Variants in VWA5B1 observed in about 807,000 individuals in gnomAD.
VWA5B1 encodes von Willebrand factor A domain-containing protein 5B1.
A neutral mutation model predicts 118.2 loss-of-function variants in VWA5B1; 115 were observed. The observed-to-expected ratio is 0.97, with a 90% confidence interval of 0.84 to 1.14. The LOEUF is 1.14. VWA5B1 is among the 50% of genes most tolerant of loss of function. The pLI, the probability that VWA5B1 is intolerant of heterozygous loss-of-function variation, is 0.00. For synonymous variants in VWA5B1, 682 were observed against 658.4 expected, an observed-to-expected ratio of 1.04 and a Z score of -0.55; for missense variants, 1,596 against 1,603.8, an observed-to-expected ratio of 1.00 and a Z score of 0.08.
chr1:20,312,802 G>A (rs1053431292), intron 2 of VWA5B1, 34 bp from the exon 3 acceptor site: 3 of 1,529,500 alleles, frequency 2.0e-6, no homozygotes, highest in Admixed American at 4.0e-5. Context: ...GGTAGGCCTG[G>A]GGCACCCCGT....
At chr1:20,340,446 T>C (rs966834903) in intron 14 of VWA5B1, among the ~76,000 whole-genome samples, 49 of 152,276 alleles carry the variant, frequency 3.2e-4, no homozygotes, top group Admixed American at 1.3e-3. Context: ...CCCACATCCT[T>C]GTACCCTTCC....
At position 20,342,468 on chromosome 1, in the gene VWA5B1, C is replaced by T; in HGVS notation, c.2170C>T (p.Pro724Ser). ...LNSGQDLNQG[P>S]KLRGPGARRP... ...CAGTGGTCAGGACCTGAACCAGGGC[C>T]CCAAACTCCGTGGCCCAGGGGCCCG... The change falls in exon 15 of 22, where the codon CCC becomes TCC. Residue 724 changes from proline to serine, a missense_variant. Pro to Ser is a moderately conservative substitution (Grantham distance 74, BLOSUM62 -1). Transcript: ENST00000289815. The T allele has an allele frequency of 6.4e-7, 1 of 1,551,252 alleles. No homozygotes were observed.
intron 1 of VWA5B1, among the ~76,000 whole-genome samples, chr1:20,296,588 A>G (rs1013309496): frequency 3.3e-5 from 5 of 152,252 alleles, no homozygotes; most frequent in African/African-American, 1.2e-4. Context: ...TCATGCTAGC[A>G]TATAATTCTG....
chr1:20,307,345 C>T (rs571034186), intron 1 of VWA5B1, among the ~76,000 whole-genome samples: 1 of 152,326 alleles, frequency 6.6e-6, no homozygotes, highest in African/African-American at 2.4e-5. Context: ...AGAATCTACT[C>T]TGGTCCTCAT....
chr1:20,291,396 C>T lies in VWA5B1; in HGVS notation c.-27+308C>T, dbSNP rs962695597. ...CTCTCTCTCTCTCTCTTTCTGTCTC[C>T]TCTATTTCTCTCCCTCCCCACCCCT... On this transcript the variant is annotated intron_variant, in intron 1 of 21. Transcript: ENST00000289815. Among the ~76,000 whole-genome samples the T allele has an allele frequency of 5.6e-5, 6 of 106,654 alleles. No homozygotes were observed. In the East Asian group the frequency reaches 1.0e-3, roughly 19 times the overall value. 70.0% of individuals were successfully genotyped at this position (106,654 alleles called of 152,430 possible).
At position 20,312,876 on chromosome 1, in the gene VWA5B1, C is replaced by T. The variant is rs2088891855; in HGVS notation, c.180C>T (p.Ile60=). Residue 60 remains isoleucine, a synonymous_variant, in exon 3 of 22, where the codon ATC becomes ATT. Coordinates refer to ENST00000289815, the MANE Select transcript of VWA5B1 (RefSeq NM_001039500.3). ...VYPLDECTTV[I]GFEAVIADRV... ...CCCTGGATGAGTGCACCACGGTGATCGGCTTTGAGGCAGTCATTGCCGACC... is the reference window on the plus strand; with the variant it reads ...CCCTGGATGAGTGCACCACGGTGATTGGCTTTGAGGCAGTCATTGCCGACC... The T allele has an allele frequency of 3.2e-6, 5 of 1,551,620 alleles. No homozygotes were observed. The highest frequency in any genetic ancestry group is 1.4e-5 in the African/African-American group (1 of 73,178).
At position 20,358,506 on chromosome 1, in the gene VWA5B1, C is replaced by T. The variant is rs529674693; in HGVS notation, c.*4243C>T. Among the ~76,000 whole-genome samples, 24 of 152,176 alleles carry T rather than the reference C, an allele frequency of 1.6e-4. 1 individual carries two copies. The highest frequency in any genetic ancestry group is 2.9e-4 in the Non-Finnish European group (20 of 68,030). ...AGTCTGCCCCCCCACCCTGCAATTG[C>T]CTGCCCCATTGACCTGCCTGGCTGG... is the stretch of plus-strand genomic sequence containing the variant. On this transcript the variant is annotated 3_prime_UTR_variant, in exon 22 of 22. Transcript: ENST00000289815.
Position 20,355,321 on chromosome 1 carries a change from G to A in VWA5B1, c.*1058G>A, listed in dbSNP as rs2101036263. Among the ~76,000 whole-genome samples, 1 of 152,268 alleles carries A rather than the reference G, an allele frequency of 6.6e-6. No individual in the cohort carries two copies. Among genetic ancestry groups the A allele is most frequent in the Admixed American group, 6.5e-5 (1 of 15,306 alleles). ...ATGAATGAATTGACACTTCAGGCTGGATCCCCTAGGGGCTTCCTGCCCTCA... is the reference window on the plus strand; with the variant it reads ...ATGAATGAATTGACACTTCAGGCTGAATCCCCTAGGGGCTTCCTGCCCTCA... On this transcript the variant is annotated 3_prime_UTR_variant, in exon 22 of 22. Transcript: ENST00000289815.
chr1:20,352,945 A>G lies in VWA5B1; in HGVS notation c.3141+773A>G, dbSNP rs149809100. The stretch of plus-strand genomic sequence containing the variant: ...GCACTTATGGTGCTAAGTATCTAGT[A>G]GGATTCAGACAAGGAACCAGGCAAT... On this transcript the variant is annotated intron_variant, in intron 21 of 21. Transcript: ENST00000289815. Among the ~76,000 whole-genome samples the G allele has an allele frequency of 2.6e-5, 4 of 152,354 alleles. No homozygotes were observed. In the East Asian group the frequency reaches 7.7e-4, roughly 29 times the overall value.
At chr1:20,350,769 C>T in intron 19 of VWA5B1, 88 bp from the exon 20 acceptor site, 1 of 1,300,296 alleles carries the variant, frequency 7.7e-7, no homozygotes, top group Admixed American at 2.0e-5. Flanking sequence ...ACCTGCCCCT[C>T]TCTAGGCCTC....
At position 20,355,305 on chromosome 1, in the gene VWA5B1, T is replaced by C. The variant is rs2090210061; in HGVS notation, c.*1042T>C. ...TGATTTGTTTGGTGAAATGAATGAA[T>C]TGACACTTCAGGCTGGATCCCCTAG... is the stretch of plus-strand genomic sequence containing the variant. On this transcript the variant is annotated 3_prime_UTR_variant, in exon 22 of 22. Transcript: ENST00000289815. Among the ~76,000 whole-genome samples the C allele has an allele frequency of 6.6e-6, 1 of 152,162 alleles. No homozygotes were observed. Among genetic ancestry groups the C allele is most frequent in the African/African-American group, 2.4e-5 (1 of 41,442 alleles).
Position 20,354,572 on chromosome 1 carries a change from T to G in VWA5B1, c.*309T>G. ...GGTTCCTTTCTGCCCATTCAGGCAG[T>G]CCCGGGCTGACTGCTGCTGGGGCTG... On this transcript the variant is annotated 3_prime_UTR_variant, in exon 22 of 22. Transcript: ENST00000289815. The G allele has an allele frequency of 8.4e-6, 3 of 356,396 alleles. No individual in the cohort carries two copies. The highest frequency in any genetic ancestry group is 3.3e-5 in the South Asian group (1 of 29,866). 22.1% of individuals were successfully genotyped at this position (356,396 alleles called of 1,614,324 possible).
chr1:20,302,047 A>G (rs1383380257), intron 1 of VWA5B1, among the ~76,000 whole-genome samples: 1 of 151,798 alleles, frequency 6.6e-6, no homozygotes, highest in Non-Finnish European at 1.5e-5. Context: ...GGATGTGTCT[A>G]TTTCTCCCTT....
intron 15 of VWA5B1, 111 bp downstream of exon 15, chr1:20,342,720 T>TGTCCAGATGCCTGGGTCTGTCCCCCTG: frequency 7.6e-7 from 1 of 1,323,794 alleles, no homozygotes; most frequent in South Asian, 1.6e-5. Context: ...TGTCCCCTTG[T>TGTCCAGATGCCTGGGTCTGTCCCCCTG]GGTCTGCTGC....
intron 6 of VWA5B1, 132 bp downstream of exon 6, chr1:20,318,853 C>T (rs998949336): frequency 1.7e-4 from 224 of 1,343,050 alleles, no homozygotes; most frequent in Non-Finnish European, 2.0e-4. Context: ...GGGGGTGTGG[C>T]CAAGGAGAGG....
intron 13 of VWA5B1, among the ~76,000 whole-genome samples, chr1:20,336,982 A>G (rs540253758): frequency 1.1e-4 from 16 of 152,148 alleles, no homozygotes; most frequent in Non-Finnish European, 1.9e-4. Context: ...AGACTTCACA[A>G]GGGGACTGCT....
At chr1:20,322,902 G>C (rs778956633) in intron 7 of VWA5B1, among the ~76,000 whole-genome samples, 1 of 152,156 alleles carries the variant, frequency 6.6e-6, no homozygotes, top group African/African-American at 2.4e-5. Flanking sequence ...GAGAGAATCG[G>C]TAAACCAAGG....
chr1:20,333,516 G>T (rs536757059), intron 12 of VWA5B1, among the ~76,000 whole-genome samples: 5 of 152,280 alleles, frequency 3.3e-5, no homozygotes, highest in Admixed American at 3.3e-4. Context: ...TTCCACCCAG[G>T]TCTGTTGAAT....
chr1:20,297,996 ATTTTTTT>A (rs60497976), intron 1 of VWA5B1, among the ~76,000 whole-genome samples: 42 of 126,648 alleles, frequency 3.3e-4, no homozygotes, highest in East Asian at 1.3e-3. Context: ...TCGGTGGTGG[ATTTTTTT>A]TTTTTTTTTT....
Sources: gnomAD v4.1 joint callset for allele counts (sites outside exome capture counted in the v4.1 genomes callset) on GRCh38, gnomAD v4.1.1 for gene constraint, MANE v1.5 for transcripts, NCBI Gene and HGNC (gene_info 2026-07-23, HGNC 2026-07-21) for gene names.